The following SNX29 variants were observed in gnomAD, a reference collection of about 807,000 sequenced individuals.
The protein encoded by SNX29 is sorting nexin 29.
In SNX29, 78 loss-of-function variants were observed where a neutral mutation model predicts 102.1. The ratio of observed to expected loss-of-function variants is 0.76; its 90% CI spans 0.64 to 0.92. The LOEUF (loss-of-function observed/expected upper bound fraction) is 0.92, where lower values mean the gene tolerates loss of function less well. Among genes scored for constraint, SNX29 ranks in the 40% least tolerant of loss-of-function variants. The probability of loss-of-function intolerance (pLI) is 0.00; values close to 1 mark genes in which losing one functional copy is unlikely to be tolerated. For missense variants in SNX29, 1,280 were observed against 1,061.7 expected, an observed-to-expected ratio of 1.21 and a Z score of -2.86; for synonymous variants, 580 against 414.5, an observed-to-expected ratio of 1.40 and a Z score of -4.85.
Position 12,568,827 on chromosome 16 carries a change from C to A in SNX29, c.*198C>A. 1.2e-6 allele frequency: 1 copy of A among 809,236 alleles called. No homozygotes were observed. The highest frequency in any genetic ancestry group is 2.8e-5 in the East Asian group (1 of 36,016). 50.1% of individuals were successfully genotyped at this position (809,236 alleles called of 1,614,324 possible). A position where few individuals can be genotyped will look rare whatever the true frequency, so the allele number is the denominator to read the frequency against. On this transcript the variant is annotated 3_prime_UTR_variant, in exon 21 of 21. Coordinates refer to ENST00000566228, the MANE Select transcript of SNX29 (RefSeq NM_032167.5). ...CGCATGATACCGTGACCCGAGAGAC[C>A]AAGGCAGCACCTCGCTGGAGAGACT...
At chr16:12,559,624 C>G (rs372234860) in intron 20 of SNX29, among the ~76,000 whole-genome samples, 1 of 152,130 alleles carries the variant, frequency 6.6e-6, no homozygotes, top group African/African-American at 2.4e-5. Context: ...TGACCTTGCA[C>G]ATGGCCCTGT....
At chr16:12,200,807 A>G (rs951353473) in intron 14 of SNX29, among the ~76,000 whole-genome samples, 3 of 152,118 alleles carry the variant, frequency 2.0e-5, no homozygotes, top group Admixed American at 6.5e-5. Context: ...GAGTCAACCA[A>G]ACCTGCACTG....
intron 14 of SNX29, among the ~76,000 whole-genome samples, chr16:12,224,968 C>T (rs13380604): frequency 0.04 from 6,136 of 152,276 alleles, 441 homozygotes; most frequent in African/African-American, 0.14. Flanking sequence ...TTCATAGATG[C>T]TCTGCTCTGT....
chr16:12,331,638 G>T (rs909400968), intron 15 of SNX29, among the ~76,000 whole-genome samples: 1 of 152,056 alleles, frequency 6.6e-6, no homozygotes, highest in Non-Finnish European at 1.5e-5. Flanking sequence ...TGCAGCCTCT[G>T]CCTCCTGGGT....
intron 14 of SNX29, among the ~76,000 whole-genome samples, chr16:12,200,309 C>T (rs568506322): frequency 1.3e-5 from 2 of 152,264 alleles, no homozygotes; most frequent in Non-Finnish European, 2.9e-5. Context: ...GTGGGGCCAT[C>T]TGCTGCTTCT....
intron 20 of SNX29, among the ~76,000 whole-genome samples, chr16:12,528,886 T>A (rs924373853): frequency 6.6e-6 from 1 of 152,232 alleles, no homozygotes; most frequent in Non-Finnish European, 1.5e-5. Flanking sequence ...GCAGGAAAGA[T>A]AAAAACCAGT....
At chr16:12,406,712 A>G (rs2084180270) in intron 18 of SNX29, among the ~76,000 whole-genome samples, 1 of 152,222 alleles carries the variant, frequency 6.6e-6, no homozygotes, top group Non-Finnish European at 1.5e-5. Context: ...GTTCAAGACC[A>G]TCCTGGCCAA....
intron 15 of SNX29, among the ~76,000 whole-genome samples, chr16:12,338,996 C>CGTCT (rs1192798162): frequency 3.3e-5 from 5 of 152,058 alleles, no homozygotes; most frequent in Non-Finnish European, 5.9e-5. Context: ...CACCTGTGGC[C>CGTCT]GTCATGGGCT....
intron 14 of SNX29, among the ~76,000 whole-genome samples, chr16:12,265,956 A>G (rs1467567418): frequency 6.6e-6 from 1 of 152,166 alleles, no homozygotes; most frequent in Non-Finnish European, 1.5e-5. Flanking sequence ...TATTTTTCTC[A>G]TGTTTAATTC....
rs2078898591 is a variant in SNX29 at position 12,265,446 on chromosome 16, G to T, written c.1679-12487G>T. ...TTAGCTGATCTCTTGGAAGCGAGAC[G>T]CAGCTTCGAAACAGGTGAGCAGATT... On this transcript the variant is annotated intron_variant, in intron 14 of 20. Transcript: ENST00000566228. Among the ~76,000 whole-genome samples, 4 of 152,114 alleles carry T rather than the reference G, an allele frequency of 2.6e-5. No homozygotes were observed. In the South Asian group the frequency reaches 8.3e-4, roughly 32 times the overall value.
intron 16 of SNX29, among the ~76,000 whole-genome samples, chr16:12,383,052 G>T (rs1256888056): frequency 6.6e-6 from 1 of 152,092 alleles, no homozygotes; most frequent in Non-Finnish European, 1.5e-5. Context: ...ACCTACTACA[G>T]CTGCTATTAT....
intron 19 of SNX29, among the ~76,000 whole-genome samples, chr16:12,510,681 GAAAAC>G (rs149672378): frequency 2.0e-4 from 31 of 151,844 alleles, no homozygotes; most frequent in Middle Eastern, 3.4e-3. Context: ...TCAAAAAAAA[GAAAAC>G]AAAACAAAAC....
At chr16:12,541,769 G>C (rs2077353514) in intron 20 of SNX29, among the ~76,000 whole-genome samples, 1 of 152,100 alleles carries the variant, frequency 6.6e-6, no homozygotes, top group South Asian at 2.1e-4. Flanking sequence ...ATACTGACCT[G>C]CGTTTCCAAC....
chr16:12,544,540 A>G (rs1260661039), intron 20 of SNX29, among the ~76,000 whole-genome samples: 4 of 152,198 alleles, frequency 2.6e-5, no homozygotes, highest in African/African-American at 9.7e-5. Context: ...GCCTAGGAAC[A>G]TTCTCTGGAA....
At chr16:12,240,440 A>C (rs1355382848) in intron 14 of SNX29, among the ~76,000 whole-genome samples, 1 of 151,796 alleles carries the variant, frequency 6.6e-6, no homozygotes, top group Non-Finnish European at 1.5e-5. Context: ...AGGACTATTG[A>C]CCATTTGTTG....
chr16:12,108,767 C>G (rs2053374713), intron 11 of SNX29, among the ~76,000 whole-genome samples: 1 of 152,168 alleles, frequency 6.6e-6, no homozygotes, highest in Non-Finnish European at 1.5e-5. Context: ...TCCATCCATA[C>G]ACACGAAGCT....
intron 18 of SNX29, among the ~76,000 whole-genome samples, chr16:12,436,595 G>A (rs1192926221): frequency 6.6e-6 from 1 of 152,216 alleles, no homozygotes; most frequent in Non-Finnish European, 1.5e-5. Context: ...TGCCTGGAAG[G>A]ACTCTTCAGG....
chr16:12,364,603 A>C lies in SNX29; in HGVS notation c.1899+8324A>C, dbSNP rs574686987. On this transcript the variant is annotated intron_variant, in intron 16 of 20. Transcript: ENST00000566228. ...ATAGAACCTTGTAAGACTGCAAGTT[A>C]TAGAGGTCAATTAAAGACACAGCGC... 3.9e-5 allele frequency among the ~76,000 whole-genome samples: 6 copies of C among 152,320 alleles called. No individual in the cohort carries two copies. In the South Asian group the frequency reaches 1.2e-3, roughly 32 times the overall value.
At chr16:12,199,515 A>G (rs1013213377) in intron 13 of SNX29, 86 bp from the exon 14 acceptor site, 16 of 1,156,870 alleles carry the variant, frequency 1.4e-5, no homozygotes, top group African/African-American at 1.3e-4. Context: ...TCTTTACACA[A>G]ATTCACCACC....
Sources: gnomAD v4.1 joint callset for allele counts (sites outside exome capture counted in the v4.1 genomes callset) on GRCh38, gnomAD v4.1.1 for gene constraint, MANE v1.5 for transcripts, NCBI Gene and HGNC (gene_info 2026-07-23, HGNC 2026-07-21) for gene names.